Variants in DLGAP1 observed in about 807,000 individuals in gnomAD.
The protein encoded by DLGAP1 is disks large-associated protein 1.
Under a neutral mutation model 90.8 loss-of-function variants are expected in DLGAP1, and 11 were observed. The ratio of observed to expected loss-of-function variants is 0.12; its 90% CI spans 0.08 to 0.20. The LOEUF (loss-of-function observed/expected upper bound fraction) is 0.20. DLGAP1 is among the 10% of genes least tolerant of loss of function. The pLI is 1.00. For synonymous variants in DLGAP1, 558 were observed against 540.7 expected (o/e 1.03, Z -0.44); for missense variants, 1,050 against 1,333.8 (o/e 0.79, Z 3.31).
At chr18:4,285,068 T>G (rs1454488048) in intron 1 of DLGAP1, among the ~76,000 whole-genome samples, 1 of 118,030 alleles carries the variant, frequency 8.5e-6, no homozygotes, top group African/African-American at 2.7e-5. Flanking sequence ...AAGTAATAAT[T>G]TCTACTTTTT....
intron 2 of DLGAP1, among the ~76,000 whole-genome samples, chr18:4,124,210 T>C (rs911738679): frequency 6.6e-6 from 1 of 152,174 alleles, no homozygotes; most frequent in African/African-American, 2.4e-5. Flanking sequence ...AAACTTGTAA[T>C]ATGCTTTCTC....
At chr18:4,049,140 T>C (rs2075096206) in intron 2 of DLGAP1, among the ~76,000 whole-genome samples, 1 of 150,962 alleles carries the variant, frequency 6.6e-6, no homozygotes, top group Non-Finnish European at 1.5e-5. Context: ...GGCAGGAGAA[T>C]TGCTTGAACC....
chr18:3,668,910 G>A (rs1415005677), intron 7 of DLGAP1, among the ~76,000 whole-genome samples: 1 of 152,046 alleles, frequency 6.6e-6, no homozygotes, highest in Non-Finnish European at 1.5e-5. Context: ...TTTGAACCTG[G>A]GAGGCGGAGC....
intron 4 of DLGAP1, among the ~76,000 whole-genome samples, chr18:3,856,701 A>G (rs1599018431): frequency 2.0e-5 from 3 of 152,108 alleles, no homozygotes; most frequent in Non-Finnish European, 4.4e-5. Flanking sequence ...CTCTACTAAA[A>G]ATACAAAAAA....
At chr18:3,882,908 CA>C in intron 3 of DLGAP1, among the ~76,000 whole-genome samples, 1 of 152,296 alleles carries the variant, frequency 6.6e-6, no homozygotes, top group Admixed American at 6.5e-5. Context: ...AATGTCATTT[CA>C]GATATTCCTA....
intron 11 of DLGAP1, 58 bp from the exon 12 acceptor site, chr18:3,502,703 G>A (rs1220506512): frequency 2.6e-6 from 4 of 1,543,438 alleles, no homozygotes; most frequent in Middle Eastern, 1.8e-4. Context: ...CAAGCACAGG[G>A]CCAAAAAGGC....
intron 10 of DLGAP1, among the ~76,000 whole-genome samples, chr18:3,514,266 C>T (rs2050703948): frequency 6.6e-6 from 1 of 152,132 alleles, no homozygotes; most frequent in African/African-American, 2.4e-5. Flanking sequence ...GCCACTGTGC[C>T]CTGCCTCTCT....
chr18:3,514,229 C>G (rs975914506), intron 10 of DLGAP1, among the ~76,000 whole-genome samples: 1 of 152,068 alleles, frequency 6.6e-6, no homozygotes, highest in Non-Finnish European at 1.5e-5. Context: ...GCCTCAGCCT[C>G]CCGAGTAGCT....
intron 2 of DLGAP1, among the ~76,000 whole-genome samples, chr18:4,145,062 A>G (rs1022893927): frequency 3.9e-5 from 6 of 152,244 alleles, no homozygotes; most frequent in Non-Finnish European, 7.3e-5. Context: ...AATGTCAGTA[A>G]TAATTGCCTA....
chr18:3,984,101 G>C (rs377615263), intron 3 of DLGAP1: 2 of 152,044 alleles, frequency 1.3e-5, no homozygotes, highest in African/African-American at 4.8e-5. Flanking sequence ...TTTTGAAAGA[G>C]AAAAAAATAA....
At chr18:3,853,073 C>T (rs527464876) in intron 4 of DLGAP1, among the ~76,000 whole-genome samples, 1 of 151,964 alleles carries the variant, frequency 6.6e-6, no homozygotes, top group Non-Finnish European at 1.5e-5. Flanking sequence ...ACAGGGATTA[C>T]CTCTTCTTGC....
At chr18:3,679,863 T>C (rs992819544) in intron 7 of DLGAP1, 1 of 149,566 alleles carries the variant, frequency 6.7e-6, no homozygotes, top group Non-Finnish European at 1.5e-5. Context: ...TTTTTTTTTT[T>C]TAAATAGAGA....
intron 1 of DLGAP1, among the ~76,000 whole-genome samples, chr18:4,270,430 G>A (rs1032988293): frequency 2.0e-5 from 3 of 152,162 alleles, no homozygotes; most frequent in African/African-American, 7.2e-5. Context: ...AACATTTGGT[G>A]TAGGACAGAT....
intron 10 of DLGAP1, among the ~76,000 whole-genome samples, chr18:3,509,668 CTGT>C (rs989596058): frequency 1.2e-4 from 18 of 152,304 alleles, no homozygotes; most frequent in African/African-American, 4.3e-4. Context: ...TTAAGCAATC[CTGT>C]TGTTCTGAAT....
chr18:3,739,794 G>C (rs1465753626), intron 6 of DLGAP1, among the ~76,000 whole-genome samples: 2 of 150,622 alleles, frequency 1.3e-5, no homozygotes, highest in African/African-American at 4.9e-5. Context: ...GAAAAAAAAA[G>C]ATACTGTGTT....
intron 7 of DLGAP1, among the ~76,000 whole-genome samples, chr18:3,617,790 T>A (rs1182984067): frequency 6.6e-6 from 1 of 151,822 alleles, no homozygotes; most frequent in Non-Finnish European, 1.5e-5. Context: ...ATCCCAGCAC[T>A]TTGGGAGGCC....
intron 1 of DLGAP1, among the ~76,000 whole-genome samples, chr18:4,418,211 T>C (rs1350885258): frequency 6.6e-6 from 1 of 152,180 alleles, no homozygotes; most frequent in African/African-American, 2.4e-5. Flanking sequence ...GGGAAAGGCA[T>C]GTCCACTACT....
chr18:3,911,341 T>C (rs73940284), intron 3 of DLGAP1, among the ~76,000 whole-genome samples: 4,283 of 152,304 alleles, frequency 0.028, 199 homozygotes, highest in African/African-American at 0.095. Context: ...AAACCCTTTT[T>C]CTGAGGGTAA....
Position 3,587,476 on chromosome 18 carries a change from C to T in DLGAP1, c.1592-5228G>A, listed in dbSNP as rs571826730. On this transcript the variant is annotated intron_variant, in intron 7 of 12. Coordinates refer to ENST00000315677, the MANE Select transcript of DLGAP1 (RefSeq NM_004746.4). Reference sequence around the variant, plus strand: ...GTGTCTAGCTAAAGGATTGTAAACGCACCAATCGGCACTCTGTAAAAACGG... The same window carrying T: ...GTGTCTAGCTAAAGGATTGTAAACGTACCAATCGGCACTCTGTAAAAACGG... Among the ~76,000 whole-genome samples the T allele has an allele frequency of 7.9e-4, 120 of 152,282 alleles. No homozygotes were observed. In the Middle Eastern group the frequency reaches 0.017, roughly 22 times the overall value.
Sources: gnomAD v4.1 joint callset for allele counts (sites outside exome capture counted in the v4.1 genomes callset) on GRCh38, gnomAD v4.1.1 for gene constraint, MANE v1.5 for transcripts, NCBI Gene and HGNC (gene_info 2026-07-23, HGNC 2026-07-21) for gene names.